ADGRG4: variants seen among roughly 807,000 people sequenced by gnomAD.
The protein encoded by ADGRG4 is G protein-coupled receptor 112.
ADGRG4 carries 122 observed loss-of-function variants against 126.2 expected under a neutral mutation model. The ratio of observed to expected loss-of-function variants is 0.97; its 90% CI spans 0.83 to 1.12. The LOEUF (loss-of-function observed/expected upper bound fraction) is 1.12. ADGRG4 is among the 50% of genes most tolerant of loss of function. The pLI, the probability that ADGRG4 is intolerant of heterozygous loss-of-function variation, is 0.00. For synonymous variants in ADGRG4, 943 were observed against 838.7 expected, an observed-to-expected ratio of 1.12 and a Z score of -2.15; for missense variants, 2,481 against 2,251.8, an observed-to-expected ratio of 1.10 and a Z score of -2.06.
chrX:136,351,532 G>A lies in ADGRG4; in HGVS notation c.6813G>A (p.Thr2271=), dbSNP rs375322857. Reference sequence around the variant, plus strand: ...TTACCAGTGTTATAAATGAATTTACGGAAAATTCGGTAAAATAATCTTTTG... The same window carrying A: ...TTACCAGTGTTATAAATGAATTTACAGAAAATTCGGTAAAATAATCTTTTG... ...IPITSVINEF[T]ENSLNSIFQN... is the part of the protein sequence containing the mutation. Residue 2271 remains threonine (T), a synonymous_variant, in exon 7 of 26, where the codon ACG becomes ACA. Coordinates refer to ENST00000394143, the MANE Select transcript of ADGRG4 (RefSeq NM_153834.4). The A allele has an allele frequency of 2.7e-5, 29 of 1,057,662 alleles. No individual in the cohort carries two copies. The Middle Eastern group carries it at 3.3e-3, about 119-fold the overall frequency. The allele number at this position is 1,057,662 out of a possible 1,213,427, so 87.2% of individuals were successfully genotyped here. A position where few individuals can be genotyped will look rare whatever the true frequency, so the allele number is the denominator to read the frequency against.
At chrX:136,351,973 A>T (rs1359944673) in intron 7 of ADGRG4, among the ~76,000 whole-genome samples, 1 of 110,754 alleles carries the variant, frequency 9.0e-6, no homozygotes, top group Non-Finnish European at 1.9e-5. Flanking sequence ...CTTATCCTTA[A>T]TTTTTTCTTG....
chrX:136,392,463 G>A, intron 17 of ADGRG4, 109 bp downstream of exon 17: 2 of 660,067 alleles, frequency 3.0e-6, no homozygotes, highest in Non-Finnish European at 4.4e-6. Context: ...CACTTAATGA[G>A]GAATGTCCTA....
At chrX:136,311,082 G>A (rs73240358) in intron 4 of ADGRG4, among the ~76,000 whole-genome samples, 2,123 of 110,373 alleles carry the variant, frequency 0.019, 19 homozygotes, top group Non-Finnish European at 0.03. Flanking sequence ...CTGTGTCCTC[G>A]CAAGGCTGAG....
Position 136,395,456 on chromosome X carries a change from G to A in ADGRG4, c.8147G>A (p.Cys2716Tyr). 8.4e-7 allele frequency: 1 copy of A among 1,195,086 alleles called. No homozygotes were observed. Among genetic ancestry groups the A allele is most frequent in the African/African-American group, 1.7e-5 (1 of 57,498 alleles). The change falls in exon 19 of 26, where the codon TGT becomes TAT. Residue 2716 changes from cysteine to tyrosine, a missense_variant. Cys to Tyr is a radical substitution (Grantham distance 194). Transcript: ENST00000394143. ...GAAACAAATGTAAATTACACAATCT[G>A]TCAGTGTGACCACCTCACCCATTTT... is the stretch of plus-strand genomic sequence containing the variant. ...VKETNVNYTI[C>Y]QCDHLTHFGV...
At chrX:136,381,458 C>T (rs1008408526) in intron 15 of ADGRG4, among the ~76,000 whole-genome samples, 42 of 111,065 alleles carry the variant, frequency 3.8e-4, no homozygotes, top group Non-Finnish European at 5.7e-5. Flanking sequence ...TCTCTCCATG[C>T]TGCCCAGGCT....
chrX:136,414,769 G>A (rs1444028826), intron 25 of ADGRG4, among the ~76,000 whole-genome samples: 6 of 112,034 alleles, frequency 5.4e-5, no homozygotes, highest in African/African-American at 1.9e-4. Flanking sequence ...TAGAACTGGG[G>A]CCAGTCACTC....
At chrX:136,370,020 T>C (rs1487580578) in intron 13 of ADGRG4, among the ~76,000 whole-genome samples, 2 of 111,568 alleles carry the variant, frequency 1.8e-5, no homozygotes, top group African/African-American at 6.5e-5. Context: ...AAAAGTAGCC[T>C]GTGTAGGCTT....
At chrX:136,321,038 C>T (rs997369838) in intron 4 of ADGRG4, among the ~76,000 whole-genome samples, 2 of 111,834 alleles carry the variant, frequency 1.8e-5, no homozygotes, top group Non-Finnish European at 3.8e-5. Context: ...GATTTATGCT[C>T]ACCGTAAAAC....
chrX:136,382,287 C>A (rs2075268027), intron 15 of ADGRG4, among the ~76,000 whole-genome samples: 1 of 111,465 alleles, frequency 9.0e-6, no homozygotes, highest in South Asian at 3.8e-4. Context: ...TACTTAAATG[C>A]TGATATGAAG....
chrX:136,316,342 G>A (rs1007262028), intron 4 of ADGRG4, among the ~76,000 whole-genome samples: 6 of 110,522 alleles, frequency 5.4e-5, no homozygotes, highest in Non-Finnish European at 7.6e-5. Flanking sequence ...TATAGGATAT[G>A]TCTGATGTTA....
chrX:136,335,787 A>T (rs1385314316), intron 5 of ADGRG4, among the ~76,000 whole-genome samples: 2 of 111,368 alleles, frequency 1.8e-5, no homozygotes, highest in Non-Finnish European at 3.8e-5. Context: ...CTATAGGTTT[A>T]TCAATTTTAT....
intron 17 of ADGRG4, 53 bp from the exon 18 acceptor site, chrX:136,393,482 A>C: frequency 9.9e-7 from 1 of 1,011,786 alleles, no homozygotes; most frequent in Non-Finnish European, 1.4e-6. Context: ...ATATGTTACT[A>C]TATGGTAAAT....
At chrX:136,337,496 G>A (rs1169980247) in intron 5 of ADGRG4, among the ~76,000 whole-genome samples, 1 of 112,343 alleles carries the variant, frequency 8.9e-6, no homozygotes, top group Non-Finnish European at 1.9e-5. Flanking sequence ...AGGTCTGCCA[G>A]TGACAAGGTA....
chrX:136,307,359 C>T (rs970233693), intron 3 of ADGRG4, among the ~76,000 whole-genome samples: 5 of 112,326 alleles, frequency 4.5e-5, no homozygotes, highest in Admixed American at 9.4e-5. Flanking sequence ...TATGTATGGC[C>T]TCACAGCCAG....
chrX:136,319,378 A>G (rs752167114), intron 4 of ADGRG4, among the ~76,000 whole-genome samples: 2 of 112,470 alleles, frequency 1.8e-5, no homozygotes, highest in South Asian at 7.4e-4. Context: ...TCACACACAT[A>G]ACCTAAATGT....
Position 136,414,287 on chromosome X carries a change from C to A in ADGRG4, c.9165C>A (p.Gly3055=). The part of the protein sequence containing the change: ...TATSSTFKSL[G]SAQGTPSEIS... ...CTAGCTCCACTTTCAAATCTTTAGG[C>A]TCTGCACAAGGCACACCTTCAGAAA... Residue 3055 remains glycine (G), a synonymous_variant, in exon 25 of 26, where the codon GGC becomes GGA. Transcript: ENST00000394143. 1 of 1,208,422 alleles carries A rather than the reference C, an allele frequency of 8.3e-7. No homozygotes were observed. The highest frequency in any genetic ancestry group is 1.1e-6 in the Non-Finnish European group (1 of 893,568).
chrX:136,390,217 AT>A (rs1379647375), intron 16 of ADGRG4, among the ~76,000 whole-genome samples: 2 of 110,364 alleles, frequency 1.8e-5, no homozygotes, highest in Non-Finnish European at 1.9e-5. Flanking sequence ...TGCCTGGTTA[AT>A]TTTCATATTT....
chrX:136,373,001 G>C lies in ADGRG4; in HGVS notation c.7713G>C (p.Gly2571=). The change falls in exon 15 of 26, where the codon GGG becomes GGC. Residue 2571 remains glycine, a synonymous_variant. Coordinates refer to ENST00000394143, the MANE Select transcript of ADGRG4 (RefSeq NM_153834.4). The part of the protein sequence containing the change: ...VAGLALAVLR[G]DHTFDGMAFS... ...GGCTGGCTTTGGCTGTGCTGCGGGG[G>C]GACCACACGTTTGATGGCATGGCTT... 1 of 1,210,691 alleles carries C rather than the reference G, an allele frequency of 8.3e-7. No homozygotes were observed. Among genetic ancestry groups the C allele is most frequent in the Non-Finnish European group, 1.1e-6 (1 of 894,896 alleles).
At position 136,344,676 on chromosome X, in the gene ADGRG4, A is replaced by G. The variant is rs2075000632; in HGVS notation, c.970A>G (p.Ile324Val). ...AVDVLSTSSA[I>V]SLPTQSISID... ...GGATGTTTTATCAACTTCATCAGCCATCTCTCTGCCTACCCAGAGTATATC... is the reference window on the plus strand; with the variant it reads ...GGATGTTTTATCAACTTCATCAGCCGTCTCTCTGCCTACCCAGAGTATATC... The change falls in exon 6 of 26, where the codon ATC (isoleucine) becomes GTC (valine). Residue 324 changes from isoleucine (I) to valine (V), a missense_variant. Transcript: ENST00000394143. The G allele has an allele frequency of 1.7e-6, 2 of 1,208,575 alleles. No homozygotes were observed. Among genetic ancestry groups the G allele is most frequent in the South Asian group, 1.8e-5 (1 of 56,913 alleles).
Sources: allele counts gnomAD v4.1 joint callset (sites outside exome capture counted in the v4.1 genomes callset), GRCh38; gene constraint gnomAD v4.1.1; transcripts MANE v1.5; gene names NCBI Gene and HGNC (gene_info 2026-07-23, HGNC 2026-07-21).